The following KATNB1 variants were observed in gnomAD, a reference collection of about 807,000 sequenced individuals.
The protein encoded by KATNB1 is katanin p80 WD40 repeat-containing subunit B1.
In KATNB1, 38 loss-of-function variants were observed where a neutral mutation model predicts 82.3. That is an observed-to-expected ratio of 0.46 (90% CI 0.36 to 0.61). KATNB1 has a LOEUF of 0.61. Among genes scored for constraint, KATNB1 ranks in the 20% least tolerant of loss-of-function variants. KATNB1 has a pLI of 0.00. For missense variants in KATNB1, 749 were observed against 915.7 expected, an observed-to-expected ratio of 0.82 and a Z score of 2.35; for synonymous variants, 361 against 368.7, an observed-to-expected ratio of 0.98 and a Z score of 0.24.
intron 2 of KATNB1, among the ~76,000 whole-genome samples, chr16:57,741,389 C>T (rs574621435): frequency 7.2e-5 from 11 of 152,254 alleles, no homozygotes; most frequent in African/African-American, 2.6e-4. Context: ...TTAAAAATTG[C>T]GTATAACTAG....
chr16:57,744,368 C>T (rs781816406), intron 3 of KATNB1, 26 bp from the exon 4 acceptor site: 89 of 1,581,398 alleles, frequency 5.6e-5, no homozygotes, highest in South Asian at 8.8e-5. Context: ...CAGCAGTGCA[C>T]GGAAGCTGCT....
intron 18 of KATNB1, 101 bp downstream of exon 18, chr16:57,756,167 C>A: frequency 1.5e-6 from 2 of 1,372,690 alleles, no homozygotes; most frequent in South Asian, 1.2e-5. Context: ...CTGGGTGTTC[C>A]TGTGAGCTGG....
chr16:57,748,525 G>A (rs1397993633), intron 4 of KATNB1, among the ~76,000 whole-genome samples: 5 of 151,422 alleles, frequency 3.3e-5, no homozygotes, highest in South Asian at 2.1e-4. Flanking sequence ...TGCCTTGAAA[G>A]GCCACCCATC....
intron 2 of KATNB1, among the ~76,000 whole-genome samples, chr16:57,739,378 T>C (rs1028078889): frequency 5.3e-5 from 8 of 152,294 alleles, no homozygotes; most frequent in African/African-American, 1.7e-4. Flanking sequence ...CCTAGTACTT[T>C]GTATCTTGCA....
rs1294264577 is a variant in KATNB1, at chr16:57,751,814, C to T, written c.516+90C>T. On this transcript the variant is annotated intron_variant, in intron 7 of 19. Transcript: ENST00000379661. This position sits in a 1 kb window ranked among gnomAD's most constrained non-coding sequence, Gnocchi z 6.3. ...AGTCCTCACCTCCCTCCTGATCGGG[C>T]TCACATGTCCCAAGCCTATCCCGAG... 7.8e-6 allele frequency: 11 copies of T among 1,418,004 alleles called. No homozygotes were observed. Among genetic ancestry groups the T allele is most frequent in the Non-Finnish European group, 3.9e-6 (4 of 1,013,372 alleles). The allele number at this position is 1,418,004 out of a possible 1,614,324, so 87.8% of individuals were successfully genotyped here.
chr16:57,757,091 C>T lies in KATNB1; in HGVS notation c.*145C>T, dbSNP rs1462585614. The T allele has an allele frequency of 5.9e-5, 50 of 848,012 alleles. No individual in the cohort carries two copies. Among genetic ancestry groups the T allele is most frequent in the Non-Finnish European group, 8.3e-5 (50 of 603,092 alleles). 52.5% of individuals were successfully genotyped at this position (848,012 alleles called of 1,614,324 possible). On this transcript the variant is annotated 3_prime_UTR_variant, in exon 20 of 20. Transcript: ENST00000379661. ...CCGTCCTGGAGGAGGTGATGCTGGT[C>T]CCTGGCCACCTCTACAGCCCTGAAC...
chr16:57,742,108 T>C (rs1255095869), intron 3 of KATNB1, among the ~76,000 whole-genome samples: 1 of 152,246 alleles, frequency 6.6e-6, no homozygotes, highest in Non-Finnish European at 1.5e-5. Context: ...CCAGGCAGGC[T>C]GCGTGAGAAG....
chr16:57,753,845 C>T lies in KATNB1; in HGVS notation c.1178-100C>T. ...AGGGTCCACAGTCTGCAGCCGCATG[C>T]CTGGGAGCTACCCTCCGTCCCCCGC... On this transcript the variant is annotated intron_variant, in intron 12 of 19. Transcript: ENST00000379661. 4 of 1,128,912 alleles carry T rather than the reference C, an allele frequency of 3.5e-6. No individual in the cohort carries two copies. In the South Asian group the frequency reaches 4.1e-5, roughly 12 times the overall value. 69.9% of individuals were successfully genotyped at this position (1,128,912 alleles called of 1,614,324 possible).
chr16:57,752,623 C>T lies in KATNB1; in HGVS notation c.704+22C>T, dbSNP rs375279957. On this transcript the variant is annotated intron_variant, in intron 9 of 19. Transcript: ENST00000379661. Reference sequence around the variant, plus strand: ...TCAGGTACGCAGGCTGTGGGGTGGGCGGCCCAGCGCTCCTCCCGGCAGTGG... The same window carrying T: ...TCAGGTACGCAGGCTGTGGGGTGGGTGGCCCAGCGCTCCTCCCGGCAGTGG... The T allele has an allele frequency of 1.1e-4, 166 of 1,554,008 alleles. No homozygotes were observed. In the East Asian group the frequency reaches 1.2e-3, roughly 11 times the overall value.
intron 2 of KATNB1, among the ~76,000 whole-genome samples, chr16:57,738,685 G>A (rs535908055): frequency 2.5e-4 from 38 of 152,192 alleles, no homozygotes; most frequent in Non-Finnish European, 4.4e-4. Flanking sequence ...AAAACTCTAG[G>A]GCTCTGGGAG....
chr16:57,741,481 A>G (rs1192854863), intron 2 of KATNB1, among the ~76,000 whole-genome samples: 3 of 152,226 alleles, frequency 2.0e-5, no homozygotes, highest in African/African-American at 2.4e-5. Flanking sequence ...ATGAAAGTTG[A>G]GAAACAGTGA....
rs9930443 is a variant in KATNB1, at chr16:57,751,167, T to C, written c.391-94T>C. The C allele has an allele frequency of 2.8e-3, 3,434 of 1,220,936 alleles. 76 individuals carry two copies. The African/African-American group carries it at 0.045, about 16-fold the overall frequency. 75.6% of individuals were successfully genotyped at this position (1,220,936 alleles called of 1,614,324 possible). Reference sequence around the variant, plus strand: ...TGGGGAGTAACGACCTAGAGAAGGCTGGGCCCCACCGTCTGCTCACGACTG... The same window carrying C: ...TGGGGAGTAACGACCTAGAGAAGGCCGGGCCCCACCGTCTGCTCACGACTG... On this transcript the variant is annotated intron_variant, in intron 5 of 19. Transcript: ENST00000379661. The surrounding 1 kb of genome is among the most constrained non-coding windows in gnomAD (Gnocchi z 6.3).
At chr16:57,744,350 G>A (rs2049166545) in intron 3 of KATNB1, 44 bp from the exon 4 acceptor site, 2 of 1,500,182 alleles carry the variant, frequency 1.3e-6, no homozygotes, top group Non-Finnish European at 1.8e-6. Context: ...CAACTGCAGG[G>A]GTCTGTCCAG....
intron 4 of KATNB1, 22 bp downstream of exon 4, chr16:57,744,533 C>T (rs2049168464): frequency 1.3e-6 from 2 of 1,563,272 alleles, no homozygotes; most frequent in South Asian, 2.2e-5. Flanking sequence ...AGCTTGCCTC[C>T]TGTGCACGCA....
intron 2 of KATNB1, among the ~76,000 whole-genome samples, chr16:57,740,507 C>T (rs1157580413): frequency 6.6e-6 from 1 of 152,256 alleles, no homozygotes; most frequent in African/African-American, 2.4e-5. Context: ...GTGGCTCCAA[C>T]ACCCTTTTCC....
chr16:57,755,954 G>C, intron 17 of KATNB1, 37 bp downstream of exon 17: 11 of 1,612,148 alleles, frequency 6.8e-6, no homozygotes, highest in Non-Finnish European at 9.3e-6. Context: ...CGGAGGGGCA[G>C]GGCTGGGCTG....
At chr16:57,747,041 C>T (rs536072744) in intron 4 of KATNB1, among the ~76,000 whole-genome samples, 16 of 150,280 alleles carry the variant, frequency 1.1e-4, no homozygotes, top group Admixed American at 3.4e-4. Flanking sequence ...ACCACCATGT[C>T]CCGCTAATTT....
rs782226002 is a variant in KATNB1, at chr16:57,744,431, G to A, written c.209G>A (p.Arg70His). ...CACACATCCCCAGTGGAGAGCGTCC[G>A]CCTCAACACCCCCGAGGAGCTCATC... ...TGHTSPVESV[R>H]LNTPEELIVA... is the part of the protein sequence containing the mutation. The change falls in exon 4 of 20, where the codon CGC becomes CAC. Residue 70 changes from arginine to histidine, a missense_variant. Transcript: ENST00000379661. 8 of 1,613,738 alleles carry A rather than the reference G, an allele frequency of 5.0e-6. No homozygotes were observed. Among genetic ancestry groups the A allele is most frequent in the African/African-American group, 1.3e-5 (1 of 74,932 alleles).
rs186654261 is a variant in KATNB1 at position 57,747,165 on chromosome 16, A to G, written c.289+2654A>G. Among the ~76,000 whole-genome samples the G allele has an allele frequency of 6.1e-4, 93 of 152,332 alleles. 2 individuals are homozygous for G. The highest frequency in any genetic ancestry group is 4.4e-3 in the Admixed American group (67 of 15,298). ...CCAAAGTGCTGGGATTACAGGAATA[A>G]GCCACCATGCCTGGCCTGCCTGATG... On this transcript the variant is annotated intron_variant, in intron 4 of 19. Coordinates refer to ENST00000379661, the MANE Select transcript of KATNB1 (RefSeq NM_005886.3).
Sources: allele counts gnomAD v4.1 joint callset (sites outside exome capture counted in the v4.1 genomes callset), GRCh38; gene constraint gnomAD v4.1.1; non-coding constraint Gnocchi (gnomAD v3.1); transcripts MANE v1.5; gene names NCBI Gene and HGNC (gene_info 2026-07-23, HGNC 2026-07-21).